CDK9: variants seen among roughly 807,000 people sequenced by gnomAD.
The protein encoded by CDK9 is cyclin-dependent kinase 9.
In CDK9, 34 loss-of-function variants were observed where a neutral mutation model predicts 39.0. The ratio of observed to expected loss-of-function variants is 0.87; its 90% CI spans 0.66 to 1.16. CDK9 has a LOEUF of 1.16. Ranked by LOEUF, CDK9 falls within the 50% of genes most tolerant of loss-of-function variation. The pLI is 0.00. For synonymous variants in CDK9, 233 were observed against 196.2 expected, an observed-to-expected ratio of 1.19 and a Z score of -1.57; for missense variants, 369 against 503.2, an observed-to-expected ratio of 0.73 and a Z score of 2.55.
chr9:127,788,715 G>C (rs1206538551), intron 6 of CDK9, 23 bp downstream of exon 6: 1 of 1,567,850 alleles, frequency 6.4e-7, no homozygotes, highest in African/African-American at 1.4e-5. Context: ...GGTCCCCACG[G>C]GGTGCAGAGA....
chr9:127,786,120 G>T lies in CDK9; in HGVS notation c.-29G>T. The T allele has an allele frequency of 1.3e-6, 2 of 1,556,258 alleles. No homozygotes were observed. Among genetic ancestry groups the T allele is most frequent in the Non-Finnish European group, 1.8e-6 (2 of 1,141,628 alleles). On this transcript the variant is annotated 5_prime_UTR_variant, in exon 1 of 7. Transcript: ENST00000373264. ...GCAGGAGCGGCGGCAGCAGCGACTG[G>T]GGGCGGCGGCGGCGCGTTGGAGGCG...
At chr9:127,787,705 T>C in intron 3 of CDK9, 97 bp downstream of exon 3, 1 of 977,672 alleles carries the variant, frequency 1.0e-6, no homozygotes, top group Non-Finnish European at 1.6e-6. Flanking sequence ...TCTTCTTAAC[T>C]CAGATGGACC....
In CDK9 at chr9:127,786,206, G is replaced by T. The variant is rs1829310445; in HGVS notation, c.58G>T (p.Glu20Ter). Residue 20 changes from glutamate to a stop codon, truncating the protein, a stop_gained, in exon 1 of 7, where the codon GAG (glutamate) becomes TAG (stop). Coordinates refer to ENST00000373264, the MANE Select transcript of CDK9 (RefSeq NM_001261.4). LOFTEE classifies it high-confidence loss of function. ...TTTTTGTGATGAAGTTTCCAAATACGAGAAGCTCGCCAAGATCGGCCAAGG... is the reference window on the plus strand; with the variant it reads ...TTTTTGTGATGAAGTTTCCAAATACTAGAAGCTCGCCAAGATCGGCCAAGG... Reference protein sequence around the residue: ...CPFCDEVSKYEKLAKIGQGTF... With the variant: ...CPFCDEVSKY 1 of 1,609,748 alleles carries T rather than the reference G, an allele frequency of 6.2e-7. No homozygotes were observed. Among genetic ancestry groups the T allele is most frequent in the Non-Finnish European group, 8.5e-7 (1 of 1,178,484 alleles).
chr9:127,787,160 C>T (rs747992135), intron 2 of CDK9, among the ~76,000 whole-genome samples: 15 of 152,232 alleles, frequency 9.9e-5, no homozygotes, highest in Admixed American at 9.2e-4. Context: ...TCCACCCCAT[C>T]TTAGCTCTAG....
At position 127,787,942 on chromosome 9, in the gene CDK9, C is replaced by T; in HGVS notation, c.266-5C>T. 8.1e-6 allele frequency: 13 copies of T among 1,613,818 alleles called. No homozygotes were observed. Among genetic ancestry groups the T allele is most frequent in the Non-Finnish European group, 1.1e-5 (13 of 1,179,714 alleles). On this transcript the variant is annotated splice_region_variant and splice_polypyrimidine_tract_variant and intron_variant, in intron 3 of 6. Transcript: ENST00000373264. The stretch of plus-strand genomic sequence containing the variant: ...GACTTTTTCTTCTTTCTATTCCTGC[C>T]TCAGCTTCCCCCTATAACCGCTGCA...
chr9:127,788,788 G>A, intron 6 of CDK9, 96 bp downstream of exon 6: 1 of 1,304,962 alleles, frequency 7.7e-7, no homozygotes. Context: ...TCTCTGGAAG[G>A]GAGGCTGGTT....
intron 2 of CDK9, among the ~76,000 whole-genome samples, chr9:127,787,264 T>G (rs1409963498): frequency 6.6e-6 from 1 of 151,218 alleles, no homozygotes; most frequent in Non-Finnish European, 1.5e-5. Flanking sequence ...GCCATAGAGC[T>G]GAAATTTGAA....
At position 127,786,147 on chromosome 9, in the gene CDK9, C is replaced by G. The variant is rs752582972; in HGVS notation, c.-2C>G. On this transcript the variant is annotated 5_prime_UTR_variant, in exon 1 of 7. Coordinates refer to ENST00000373264, the MANE Select transcript of CDK9 (RefSeq NM_001261.4). Reference sequence around the variant, plus strand: ...GGCGGCGGCGGCGCGTTGGAGGCGGCCATGGCAAAGCAGTACGACTCGGTG... The same window carrying G: ...GGCGGCGGCGGCGCGTTGGAGGCGGGCATGGCAAAGCAGTACGACTCGGTG... The G allele has an allele frequency of 6.3e-6, 10 of 1,596,222 alleles. 1 individual carries two copies. In the South Asian group the frequency reaches 1.1e-4, roughly 18 times the overall value.
intron 6 of CDK9, among the ~76,000 whole-genome samples, chr9:127,788,945 G>T (rs1829381537): frequency 6.6e-6 from 1 of 152,188 alleles, no homozygotes; most frequent in African/African-American, 2.4e-5. Flanking sequence ...CTGTGAACCA[G>T]AAATGTGACG....
At position 127,789,337 on chromosome 9, in the gene CDK9, G is replaced by A; in HGVS notation, c.913G>A (p.Asp305Asn). 6.2e-7 allele frequency: 1 copy of A among 1,613,914 alleles called. No individual in the cohort carries two copies. Among genetic ancestry groups the A allele is most frequent in the Non-Finnish European group, 8.5e-7 (1 of 1,180,034 alleles). ...LLVLDPAQRI[D>N]SDDALNHDFF... ...GGTGCTGGACCCTGCCCAGCGCATC[G>A]ACAGCGATGACGCCCTCAACCACGA... is the stretch of plus-strand genomic sequence containing the variant. Residue 305 changes from aspartate (D) to asparagine (N), a missense_variant, in exon 7 of 7, where the codon GAC (aspartate) becomes AAC (asparagine). By Grantham distance (23) the Asp-to-Asn change is conservative (BLOSUM62 1). Transcript: ENST00000373264. The surrounding 1 kb of genome is among the most constrained non-coding windows in gnomAD (Gnocchi z 5.2).
rs202170960 is a variant in CDK9, at chr9:127,789,166, C to T, written c.754-12C>T. ...CGGACTCCATATTCTCTCAACGCCC[C>T]CTCCCTCCCAGGTGTGGCCAAACGT... On this transcript the variant is annotated splice_polypyrimidine_tract_variant and intron_variant, in intron 6 of 6. Coordinates refer to ENST00000373264, the MANE Select transcript of CDK9 (RefSeq NM_001261.4). This position sits in a 1 kb window ranked among gnomAD's most constrained non-coding sequence, Gnocchi z 5.2. The T allele has an allele frequency of 1.9e-6, 3 of 1,550,662 alleles. No homozygotes were observed. The highest frequency in any genetic ancestry group is 2.6e-6 in the Non-Finnish European group (3 of 1,145,528).
In CDK9 at chr9:127,789,451, C is replaced by T; in HGVS notation, c.1027C>T (p.Arg343Cys). The T allele has an allele frequency of 6.2e-7, 1 of 1,614,130 alleles. No homozygotes were observed. The highest frequency in any genetic ancestry group is 8.5e-7 in the Non-Finnish European group (1 of 1,180,028). Residue 343 changes from arginine (R) to cysteine (C), a missense_variant, in exon 7 of 7, where the codon CGC becomes TGC. Arg to Cys is a radical substitution (Grantham distance 180). Transcript: ENST00000373264. This position sits in a 1 kb window ranked among gnomAD's most constrained non-coding sequence, Gnocchi z 5.2. ...CATGTTCGAGTACTTGGCACCACCG[C>T]GCCGGAAGGGCAGCCAGATCACCCA... ...TSMFEYLAPP[R>C]RKGSQITQQS...
Position 127,789,828 on chromosome 9 carries a change from C to T in CDK9, c.*285C>T. The stretch of plus-strand genomic sequence containing the variant: ...CACCAGTGACTTTTTCTAAGAGCTC[C>T]CGGCGTGGTGGAAGAGGGGACAGGT... On this transcript the variant is annotated 3_prime_UTR_variant, in exon 7 of 7. Coordinates refer to ENST00000373264, the MANE Select transcript of CDK9 (RefSeq NM_001261.4). The surrounding 1 kb of genome is among the most constrained non-coding windows in gnomAD (Gnocchi z 5.2). The T allele has an allele frequency of 2.4e-6, 1 of 422,490 alleles. No individual in the cohort carries two copies. Among genetic ancestry groups the T allele is most frequent in the Non-Finnish European group, 4.3e-6 (1 of 232,120 alleles). 26.2% of individuals were successfully genotyped at this position (422,490 alleles called of 1,614,324 possible).
In CDK9 at chr9:127,787,531, C is replaced by G; in HGVS notation, c.188C>G (p.Ala63Gly). 6.2e-7 allele frequency: 1 copy of G among 1,612,382 alleles called. No individual in the cohort carries two copies. The highest frequency in any genetic ancestry group is 1.1e-5 in the South Asian group (1 of 91,050). The change falls in exon 3 of 7, where the codon GCC (alanine) becomes GGC (glycine). Residue 63 changes from alanine (A) to glycine (G), a missense_variant. By Grantham distance (60) the Ala-to-Gly change is moderately conservative (BLOSUM62 0). Coordinates refer to ENST00000373264, the MANE Select transcript of CDK9 (RefSeq NM_001261.4). ...TTTCTCACCCAGTTCCCCATTACAGCCTTGCGGGAGATCAAGATCCTTCAG... is the reference window on the plus strand; with the variant it reads ...TTTCTCACCCAGTTCCCCATTACAGGCTTGCGGGAGATCAAGATCCTTCAG... ...ENEKEGFPIT[A>G]LREIKILQLL... is the part of the protein sequence containing the mutation.
Position 127,786,111 on chromosome 9 carries a change from C to T in CDK9, c.-38C>T, listed in dbSNP as rs1588536807. 6.6e-6 allele frequency: 10 copies of T among 1,513,858 alleles called. No individual in the cohort carries two copies. The highest frequency in any genetic ancestry group is 8.1e-6 in the Non-Finnish European group (9 of 1,106,044). 93.8% of individuals were successfully genotyped at this position (1,513,858 alleles called of 1,614,324 possible). ...GGACCCGGAGCAGGAGCGGCGGCAG[C>T]AGCGACTGGGGGCGGCGGCGGCGCG... is the stretch of plus-strand genomic sequence containing the variant. On this transcript the variant is annotated 5_prime_UTR_variant, in exon 1 of 7. Coordinates refer to ENST00000373264, the MANE Select transcript of CDK9 (RefSeq NM_001261.4).
In CDK9 at chr9:127,789,286, G is replaced by T. The variant is rs781196606; in HGVS notation, c.862G>T (p.Ala288Ser). ...GAAGGCCTATGTGCGTGACCCATAC[G>T]CACTGGACCTCATCGACAAGCTGCT... ...RLKAYVRDPY[A>S]LDLIDKLLVL... Residue 288 changes from alanine to serine, a missense_variant, in exon 7 of 7, where the codon GCA becomes TCA. Physicochemically the swap from Ala to Ser is moderately conservative, Grantham distance 99. Coordinates refer to ENST00000373264, the MANE Select transcript of CDK9 (RefSeq NM_001261.4). The surrounding 1 kb of genome is among the most constrained non-coding windows in gnomAD (Gnocchi z 5.2). 1.2e-6 allele frequency: 2 copies of T among 1,613,930 alleles called. No individual in the cohort carries two copies. The highest frequency in any genetic ancestry group is 1.7e-6 in the Non-Finnish European group (2 of 1,180,024).
chr9:127,787,026 G>A (rs1295615997), intron 2 of CDK9, among the ~76,000 whole-genome samples: 3 of 152,200 alleles, frequency 2.0e-5, no homozygotes, highest in African/African-American at 4.8e-5. Flanking sequence ...AAGTTAGGAA[G>A]CCTTTAAACA....
At chr9:127,787,083 T>C (rs940397044) in intron 2 of CDK9, among the ~76,000 whole-genome samples, 22 of 152,226 alleles carry the variant, frequency 1.4e-4, no homozygotes, top group African/African-American at 4.3e-4. Flanking sequence ...AAAGATTATA[T>C]ATGCATGCTT....
In CDK9 at chr9:127,789,242, G is replaced by A. The variant is rs1243217909; in HGVS notation, c.818G>A (p.Arg273Gln). ...CTGGAGCTGGTCAAGGGCCAGAAGC[G>A]GAAGGTGAAGGACAGGCTGAAGGCC... is the stretch of plus-strand genomic sequence containing the variant. ...EKLELVKGQK[R>Q]KVKDRLKAYV... The change falls in exon 7 of 7, where the codon CGG becomes CAG. Residue 273 changes from arginine to glutamine, a missense_variant. Coordinates refer to ENST00000373264, the MANE Select transcript of CDK9 (RefSeq NM_001261.4). This position sits in a 1 kb window ranked among gnomAD's most constrained non-coding sequence, Gnocchi z 5.2. The A allele has an allele frequency of 5.0e-6, 8 of 1,612,006 alleles. No homozygotes were observed. The highest frequency in any genetic ancestry group is 1.7e-5 in the Admixed American group (1 of 59,958).
Sources: allele counts gnomAD v4.1 joint callset (sites outside exome capture counted in the v4.1 genomes callset), GRCh38; gene constraint gnomAD v4.1.1; non-coding constraint Gnocchi (gnomAD v3.1); transcripts MANE v1.5; gene names NCBI Gene and HGNC (gene_info 2026-07-23, HGNC 2026-07-21).